TNFSF4: variants seen among roughly 807,000 people sequenced by gnomAD.
TNFSF4 encodes tumor necrosis factor ligand superfamily member 4.
Under a neutral mutation model 7.3 loss-of-function variants are expected in TNFSF4, and 4 were observed. The observed-to-expected ratio is 0.55, with a 90% CI of 0.27 to 1.25. TNFSF4 has a LOEUF of 1.25. TNFSF4 is among the 50% of genes most tolerant of loss of function. The probability of loss-of-function intolerance (pLI) is 0.12; values close to 1 mark genes in which losing one functional copy is unlikely to be tolerated. For missense variants in TNFSF4, 181 were observed against 208.8 expected, an observed-to-expected ratio of 0.87 and a Z score of 0.82; for synonymous variants, 76 against 83.7, an observed-to-expected ratio of 0.91 and a Z score of 0.50.
chr1:173,216,959 T>A, the TNFSF4 span, among the ~76,000 whole-genome samples: 1 of 152,130 alleles, frequency 6.6e-6, no homozygotes, highest in East Asian at 1.9e-4. Context: ...TTCTGCTTCA[T>A]CACTGACCCA....
At chr1:173,241,882 T>C in the TNFSF4 span, among the ~76,000 whole-genome samples, 1 of 152,216 alleles carries the variant, frequency 6.6e-6, no homozygotes, top group African/African-American at 2.4e-5. Context: ...GTCTGGCTGA[T>C]ACGGGAACTG....
the TNFSF4 span, among the ~76,000 whole-genome samples, chr1:173,424,650 T>C: frequency 8.5e-5 from 13 of 152,090 alleles, no homozygotes; most frequent in Admixed American, 7.9e-4. Flanking sequence ...AGAAAAGATA[T>C]AAAGGTGGAA....
chr1:173,342,162 A>G, the TNFSF4 span, among the ~76,000 whole-genome samples: 2 of 152,172 alleles, frequency 1.3e-5, no homozygotes, highest in African/African-American at 2.4e-5. Flanking sequence ...TTGACCAGTA[A>G]CAGGCACAGA....
chr1:173,326,446 A>C, the TNFSF4 span, among the ~76,000 whole-genome samples: 1 of 152,218 alleles, frequency 6.6e-6, no homozygotes, highest in Non-Finnish European at 1.5e-5. Context: ...ATTCCCTTTG[A>C]AAACTGGCAC....
At chr1:173,322,768 C>G in the TNFSF4 span, among the ~76,000 whole-genome samples, 2 of 152,188 alleles carry the variant, frequency 1.3e-5, no homozygotes, top group African/African-American at 4.8e-5. Context: ...GGGTCCTACA[C>G]CCACGGAGCC....
At position 173,188,385 on chromosome 1, in the gene TNFSF4, A is replaced by G. The variant is rs376735407; in HGVS notation, c.202+136T>C. 53 of 701,540 alleles carry G rather than the reference A, an allele frequency of 7.6e-5. 2 individuals are homozygous for G. Among genetic ancestry groups the G allele is most frequent in the East Asian group, 3.7e-4 (14 of 37,592 alleles). 43.5% of individuals were successfully genotyped at this position (701,540 alleles called of 1,614,324 possible). A position where few individuals can be genotyped will look rare whatever the true frequency, so the allele number is the denominator to read the frequency against. ...TAATGAAAATAATATGCAGGCTACA[A>G]CAATTCTGGGATTTAATTGGAATTT... On this transcript the variant is annotated intron_variant, in intron 2 of 2. Coordinates refer to ENST00000281834, the MANE Select transcript of TNFSF4 (RefSeq NM_003326.5).
At chr1:173,306,075 T>A in the TNFSF4 span, among the ~76,000 whole-genome samples, 1 of 151,918 alleles carries the variant, frequency 6.6e-6, no homozygotes, top group Non-Finnish European at 1.5e-5. Flanking sequence ...TTTTAACATC[T>A]CATCTCATCT....
At chr1:173,427,657 G>A in the TNFSF4 span, among the ~76,000 whole-genome samples, 2 of 152,072 alleles carry the variant, frequency 1.3e-5, no homozygotes, top group African/African-American at 4.8e-5. Flanking sequence ...ATCCCTTAAC[G>A]ACAGCAATAC....
chr1:173,188,559 C>A lies in TNFSF4; in HGVS notation c.164G>T (p.Arg55Leu), dbSNP rs147675528. 2 of 1,611,474 alleles carry A rather than the reference C, an allele frequency of 1.2e-6. No individual in the cohort carries two copies. The highest frequency in any genetic ancestry group is 1.7e-6 in the Non-Finnish European group (2 of 1,178,278). The change falls in exon 2 of 3, where the codon CGG becomes CTG. Residue 55 changes from arginine to leucine, a missense_variant. Arg to Leu is a moderately radical substitution (Grantham distance 102). Coordinates refer to ENST00000281834, the MANE Select transcript of TNFSF4 (RefSeq NM_003326.5). ...LHFSALQVSH[R>L]YPRIQSIKVQ... ...TTTGATACTTTGAATTCGAGGATAC[C>A]GATGTGATACCTGAGGGAGGAAGAA...
At chr1:173,307,892 C>T in the TNFSF4 span, among the ~76,000 whole-genome samples, 1 of 151,808 alleles carries the variant, frequency 6.6e-6, no homozygotes, top group Admixed American at 6.6e-5. Flanking sequence ...TAAAAATTAT[C>T]TCGTGTTTTT....
chr1:173,287,892 C>T, the TNFSF4 span, among the ~76,000 whole-genome samples: 2 of 152,274 alleles, frequency 1.3e-5, no homozygotes, highest in Admixed American at 1.3e-4. Context: ...TGGATATTTA[C>T]AGAATGTAGA....
At chr1:173,267,929 C>T in the TNFSF4 span, among the ~76,000 whole-genome samples, 1 of 139,990 alleles carries the variant, frequency 7.1e-6, no homozygotes, top group Non-Finnish European at 1.6e-5. Flanking sequence ...AGGAAGTATT[C>T]CTGTAAAGGA....
the TNFSF4 span, among the ~76,000 whole-genome samples, chr1:173,350,406 A>G: frequency 6.6e-5 from 10 of 152,196 alleles, no homozygotes; most frequent in African/African-American, 2.2e-4. Flanking sequence ...AAACATATCA[A>G]TAAGTCCCCT....
downstream of TNFSF4, among the ~76,000 whole-genome samples, chr1:173,180,586 A>T (rs1161584925): frequency 6.6e-6 from 1 of 152,192 alleles, no homozygotes; most frequent in Non-Finnish European, 1.5e-5. Flanking sequence ...AAAAACTACT[A>T]TTTATTTGAC....
the TNFSF4 span, among the ~76,000 whole-genome samples, chr1:173,450,024 TA>T: frequency 6.6e-6 from 1 of 152,126 alleles, no homozygotes; most frequent in African/African-American, 2.4e-5. Context: ...GCACAATTGA[TA>T]AACCTCTAGC....
chr1:173,261,984 G>T, the TNFSF4 span, among the ~76,000 whole-genome samples: 2 of 152,096 alleles, frequency 1.3e-5, no homozygotes, highest in Non-Finnish European at 2.9e-5. Context: ...CATTTTATAA[G>T]ACCAACATCA....
At chr1:173,331,538 G>T in the TNFSF4 span, among the ~76,000 whole-genome samples, 103 of 152,280 alleles carry the variant, frequency 6.8e-4, 2 homozygotes, top group Admixed American at 6.6e-3. Flanking sequence ...TCAAAATAAA[G>T]TTAAGAGCCA....
At chr1:173,330,953 C>T in the TNFSF4 span, among the ~76,000 whole-genome samples, 30 of 149,922 alleles carry the variant, frequency 2.0e-4, no homozygotes, top group African/African-American at 7.4e-4. Flanking sequence ...GGCGCGATCT[C>T]GGCTCACTGC....
the TNFSF4 span, among the ~76,000 whole-genome samples, chr1:173,287,156 G>C: frequency 8.2e-4 from 125 of 151,882 alleles, no homozygotes; most frequent in African/African-American, 2.9e-3. Flanking sequence ...GATGCCCCCT[G>C]ATGTCTCCAC....
Sources: allele counts gnomAD v4.1 joint callset (sites outside exome capture counted in the v4.1 genomes callset), GRCh38; gene constraint gnomAD v4.1.1; transcripts MANE v1.5; gene names NCBI Gene and HGNC (gene_info 2026-07-23, HGNC 2026-07-21).